PCDHGB2: variants seen among roughly 807,000 people sequenced by gnomAD.
PCDHGB2 encodes the protein protocadherin gamma subfamily B, 2.
In PCDHGB2, 55 loss-of-function variants were observed where a neutral mutation model predicts 59.3. The ratio of observed to expected loss-of-function variants is 0.93; its 90% CI spans 0.75 to 1.16. The LOEUF is 1.16. Ranked by LOEUF, PCDHGB2 falls within the 50% of genes most tolerant of loss-of-function variation. The probability of loss-of-function intolerance (pLI) is 0.00; values close to 1 mark genes in which losing one functional copy is unlikely to be tolerated. For missense variants in PCDHGB2, 1,228 were observed against 1,198.5 expected (o/e 1.02, Z -0.36); for synonymous variants, 516 against 512.0 (o/e 1.01, Z -0.11).
intron 1 of PCDHGB2, among the ~76,000 whole-genome samples, chr5:141,443,537 T>C (rs986467958): frequency 6.6e-6 from 1 of 152,180 alleles, no homozygotes; most frequent in African/African-American, 2.4e-5. Flanking sequence ...ATTTAAAGCT[T>C]GGGAAATTGT....
intron 1 of PCDHGB2, among the ~76,000 whole-genome samples, chr5:141,380,915 GT>G (rs1776856822): frequency 6.6e-6 from 1 of 152,180 alleles, no homozygotes; most frequent in Admixed American, 6.5e-5. Flanking sequence ...TGCTTACATT[GT>G]TTAATAATCA....
rs143317584 is a variant in PCDHGB2 at position 141,432,282 on chromosome 5, A to G, written c.2422-62525A>G. 5.0e-5 allele frequency: 81 copies of G among 1,613,850 alleles called. No homozygotes were observed. The African/African-American group carries it at 6.4e-4, about 13-fold the overall frequency. ...AGCCTATCGTCCTACGTGTCCATCAACTCCGACACTGGGGTACTGTATGCG... is the reference window on the plus strand; with the variant it reads ...AGCCTATCGTCCTACGTGTCCATCAGCTCCGACACTGGGGTACTGTATGCG... On this transcript the variant is annotated intron_variant, in intron 1 of 3. Transcript: ENST00000522605. This position sits in a 1 kb window ranked among gnomAD's most constrained non-coding sequence, Gnocchi z 6.0.
intron 1 of PCDHGB2, among the ~76,000 whole-genome samples, chr5:141,443,376 T>C (rs1365277469): frequency 6.6e-6 from 1 of 151,990 alleles, no homozygotes; most frequent in Admixed American, 6.6e-5. Flanking sequence ...TCTCAGCTAC[T>C]TGGGAGGCTG....
In PCDHGB2 at chr5:141,366,067, T is replaced by C. The variant is rs11750908; in HGVS notation, c.2421+3511T>C. 6.6e-3 allele frequency: 10,611 copies of C among 1,614,204 alleles called. 55 individuals carry two copies. Among genetic ancestry groups the C allele is most frequent in the Non-Finnish European group, 7.8e-3 (9,251 of 1,180,030 alleles). On this transcript the variant is annotated intron_variant, in intron 1 of 3. Coordinates refer to ENST00000522605, the MANE Select transcript of PCDHGB2 (RefSeq NM_018923.3). ...GTTCCACGGGCGTGGAGCTGGCGCCTCGCTCCGCAGAACCTGGCTACCTGG... is the reference window on the plus strand; with the variant it reads ...GTTCCACGGGCGTGGAGCTGGCGCCCCGCTCCGCAGAACCTGGCTACCTGG...
At position 141,362,524 on chromosome 5, in the gene PCDHGB2, G is replaced by GGGGT; in HGVS notation, c.2390_2393dup (p.Pro799GlyfsTer36). 6.2e-7 allele frequency: 1 copy of GGGGT among 1,613,964 alleles called. No homozygotes were observed. The highest frequency in any genetic ancestry group is 8.5e-7 in the Non-Finnish European group (1 of 1,179,894). On this transcript the variant is annotated frameshift_variant, in exon 1 of 4. Coordinates refer to ENST00000522605, the MANE Select transcript of PCDHGB2 (RefSeq NM_018923.3). LOFTEE classifies it high-confidence loss of function. ...ACAAAATACAAATCATGGAGCCGCT[G>GGGGT]GGGTCCCTTTTGCCTCAGATACTAT...
At position 141,476,973 on chromosome 5, in the gene PCDHGB2, A is replaced by C. The variant is rs1205314116; in HGVS notation, c.2422-17834A>C. Reference sequence around the variant, plus strand: ...GAAATTATTTACTCCTTCGGCAGCCACAACCGCGCCGGCGTGCGGCAACTA... The same window carrying C: ...GAAATTATTTACTCCTTCGGCAGCCCCAACCGCGCCGGCGTGCGGCAACTA... On this transcript the variant is annotated intron_variant, in intron 1 of 3. Coordinates refer to ENST00000522605, the MANE Select transcript of PCDHGB2 (RefSeq NM_018923.3). The surrounding 1 kb of genome is among the most constrained non-coding windows in gnomAD (Gnocchi z 7.6). 6.2e-7 allele frequency: 1 copy of C among 1,614,230 alleles called. No homozygotes were observed. The highest frequency in any genetic ancestry group is 2.2e-5 in the East Asian group (1 of 44,884).
In PCDHGB2 at chr5:141,433,051, G is replaced by A. The variant is rs754102028; in HGVS notation, c.2422-61756G>A. The A allele has an allele frequency of 1.8e-5, 29 of 1,614,066 alleles. No homozygotes were observed. In the East Asian group the frequency reaches 2.5e-4, roughly 14 times the overall value. On this transcript the variant is annotated intron_variant, in intron 1 of 3. Transcript: ENST00000522605. ...AGGTTTCCCTCACCACGGACTCGCG[G>A]AAGAGTCACCTGATCTTCCCCCAGC...
chr5:141,429,488 T>TA (rs748742046), intron 1 of PCDHGB2, among the ~76,000 whole-genome samples: 13 of 152,096 alleles, frequency 8.5e-5, no homozygotes, highest in Non-Finnish European at 1.6e-4. Flanking sequence ...TAGCTGAGAC[T>TA]ACAGTTGCCT....
rs115001531 is a variant in PCDHGB2, at chr5:141,495,385, G to A, written c.2480+520G>A. Among the ~76,000 whole-genome samples the A allele has an allele frequency of 2.2e-3, 339 of 152,328 alleles. 1 individual carries two copies. Among genetic ancestry groups the A allele is most frequent in the African/African-American group, 7.9e-3 (329 of 41,590 alleles). ...AGGTGGAACTGAGGAAGGACTGGGC[G>A]GGGCATGGAGCAGGCCCCCTTCTCC... On this transcript the variant is annotated intron_variant, in intron 2 of 3. Transcript: ENST00000522605.
chr5:141,418,006 C>T, intron 1 of PCDHGB2: 7 of 1,613,896 alleles, frequency 4.3e-6, no homozygotes, highest in Non-Finnish European at 5.9e-6. Flanking sequence ...TGGTGGGGAA[C>T]CTCGCTAAGG....
chr5:141,360,636 A>G lies in PCDHGB2; in HGVS notation c.501A>G (p.Leu167=), dbSNP rs550512719. The change falls in exon 1 of 4, where the codon CTA becomes CTG. Residue 167 remains leucine (L), a synonymous_variant. Transcript: ENST00000522605. The part of the protein sequence containing the change: ...ALDSDVGPNS[L]QRYHLNDNEY... ...ATTCAGATGTTGGTCCTAACTCACT[A>G]CAAAGATACCACCTTAATGACAACG... The G allele has an allele frequency of 5.6e-6, 9 of 1,614,030 alleles. No individual in the cohort carries two copies. The highest frequency in any genetic ancestry group is 5.0e-5 in the Admixed American group (3 of 60,028).
intron 1 of PCDHGB2, chr5:141,374,359 C>T (rs1179448303): frequency 6.2e-7 from 1 of 1,614,000 alleles, no homozygotes; most frequent in Admixed American, 1.7e-5. Context: ...GGATAGACCG[C>T]GAGGAGCTCT....
rs1228676619 is a variant in PCDHGB2, at chr5:141,388,743, A to T, written c.2421+26187A>T. 3 of 1,614,034 alleles carry T rather than the reference A, an allele frequency of 1.9e-6. No homozygotes were observed. The Admixed American group carries it at 5.0e-5, about 27-fold the overall frequency. On this transcript the variant is annotated intron_variant, in intron 1 of 3. Coordinates refer to ENST00000522605, the MANE Select transcript of PCDHGB2 (RefSeq NM_018923.3). ...TTTCTCTTTCAGTGAAGCTAGCCAG[A>T]TCACCCAATTTGACCTGAACTCTAA...
At chr5:141,445,134 A>T (rs900226020) in intron 1 of PCDHGB2, among the ~76,000 whole-genome samples, 1 of 152,198 alleles carries the variant, frequency 6.6e-6, no homozygotes, top group East Asian at 1.9e-4. Context: ...TTAAAATTGT[A>T]TCTTCTAATT....
intron 1 of PCDHGB2, among the ~76,000 whole-genome samples, chr5:141,458,557 G>A (rs1258900717): frequency 6.9e-6 from 1 of 143,954 alleles, no homozygotes; most frequent in Non-Finnish European, 1.5e-5. Context: ...TGTTTGTTTT[G>A]GTTTTGGGTT....
intron 1 of PCDHGB2, chr5:141,479,355 A>G (rs2099493778): frequency 6.6e-6 from 1 of 152,506 alleles, no homozygotes; most frequent in Non-Finnish European, 1.5e-5. Flanking sequence ...CTTGCTGCTC[A>G]GTGCCTGAGG....
chr5:141,440,564 A>G (rs531383065), intron 1 of PCDHGB2: 1 of 152,248 alleles, frequency 6.6e-6, no homozygotes, highest in Admixed American at 6.5e-5. Context: ...TAAGTTACGT[A>G]TCTCTGAGTT....
Position 141,485,992 on chromosome 5 carries a change from C to T in PCDHGB2, c.2422-8815C>T. The T allele has an allele frequency of 6.2e-7, 1 of 1,614,156 alleles. No individual in the cohort carries two copies. The highest frequency in any genetic ancestry group is 2.2e-5 in the East Asian group (1 of 44,870). On this transcript the variant is annotated intron_variant, in intron 1 of 3. Coordinates refer to ENST00000522605, the MANE Select transcript of PCDHGB2 (RefSeq NM_018923.3). The surrounding 1 kb of genome is among the most constrained non-coding windows in gnomAD (Gnocchi z 5.7). ...ATGCCTCAGACCCGGACCTGGGTCC[C>T]AGTGGTAACGTCACCTTTTATTTCA...
chr5:141,375,065 C>A, intron 1 of PCDHGB2: 1 of 1,613,932 alleles, frequency 6.2e-7, no homozygotes, highest in Non-Finnish European at 8.5e-7. Flanking sequence ...GCCAGGTCTT[C>A]GAGACAGAGC....
Sources: allele counts gnomAD v4.1 joint callset (sites outside exome capture counted in the v4.1 genomes callset), GRCh38; gene constraint gnomAD v4.1.1; non-coding constraint Gnocchi (gnomAD v3.1); transcripts MANE v1.5; gene names NCBI Gene and HGNC (gene_info 2026-07-23, HGNC 2026-07-21).